Variants in TYW1 observed in about 807,000 individuals in gnomAD.
TYW1 encodes the protein tRNA-yW synthesizing protein 1 homolog.
In TYW1, 46 loss-of-function variants were observed where a neutral mutation model predicts 96.2. The observed-to-expected ratio is 0.48, with a 90% CI of 0.38 to 0.61. The LOEUF is 0.61. Among genes scored for constraint, TYW1 ranks in the 20% least tolerant of loss-of-function variants. The pLI is 0.00. For missense variants in TYW1, 684 were observed against 909.6 expected, an observed-to-expected ratio of 0.75 and a Z score of 3.19; for synonymous variants, 274 against 323.0, an observed-to-expected ratio of 0.85 and a Z score of 1.63.
chr7:67,095,002 G>T (rs551340689), intron 11 of TYW1, among the ~76,000 whole-genome samples: 109 of 141,504 alleles, frequency 7.7e-4, no homozygotes, highest in Non-Finnish European at 1.4e-3. Context: ...TAAACTGCAT[G>T]ATTTTTTTTT....
intron 4 of TYW1, among the ~76,000 whole-genome samples, chr7:67,011,478 A>C (rs1350305789): frequency 2.0e-5 from 3 of 152,234 alleles, no homozygotes; most frequent in Admixed American, 6.5e-5. Flanking sequence ...CAGCATCAGC[A>C]TCTCCTGTGA....
At chr7:67,142,944 T>C (rs1798496927) in intron 13 of TYW1, among the ~76,000 whole-genome samples, 1 of 151,770 alleles carries the variant, frequency 6.6e-6, no homozygotes, top group African/African-American at 2.4e-5. Flanking sequence ...TCTGAGCTAC[T>C]TGGGAGGCTG....
chr7:66,997,163 T>C (rs1444557737), intron 1 of TYW1, among the ~76,000 whole-genome samples, 181 bp downstream of exon 1: 1 of 152,258 alleles, frequency 6.6e-6, no homozygotes, highest in Non-Finnish European at 1.5e-5. Context: ...ACCTGGCTTT[T>C]GCCTTTTGAG....
At chr7:67,146,953 C>G (rs1384817547) in intron 13 of TYW1, among the ~76,000 whole-genome samples, 2 of 151,782 alleles carry the variant, frequency 1.3e-5, no homozygotes, top group Non-Finnish European at 2.9e-5. Context: ...TTTGAGTAGA[C>G]AGTACAAAGA....
In TYW1 at chr7:67,228,611, C is replaced by T. The variant is rs1327026204; in HGVS notation, c.1978-9697C>T. 2.6e-5 allele frequency among the ~76,000 whole-genome samples: 4 copies of T among 152,152 alleles called. No individual in the cohort carries two copies. In the East Asian group the frequency reaches 7.7e-4, roughly 29 times the overall value. On this transcript the variant is annotated intron_variant, in intron 15 of 15. Coordinates refer to ENST00000359626, the MANE Select transcript of TYW1 (RefSeq NM_018264.4). Reference sequence around the variant, plus strand: ...TACGTGGAGGAATAGTCATACAAACCACCTCCAATGTTGATGCTAATAAAT... The same window carrying T: ...TACGTGGAGGAATAGTCATACAAACTACCTCCAATGTTGATGCTAATAAAT...
chr7:67,171,835 T>C (rs1006501342), intron 13 of TYW1, among the ~76,000 whole-genome samples: 3 of 152,122 alleles, frequency 2.0e-5, no homozygotes, highest in African/African-American at 7.2e-5. Flanking sequence ...TTGTTTTTAT[T>C]TTCAACCTTT....
chr7:67,166,497 C>T (rs373730095), intron 13 of TYW1, among the ~76,000 whole-genome samples: 1 of 150,396 alleles, frequency 6.6e-6, no homozygotes, highest in Non-Finnish European at 1.5e-5. Flanking sequence ...AGAAATAGAA[C>T]GTTAATAGCA....
chr7:67,055,389 G>A (rs1795475672), intron 8 of TYW1, among the ~76,000 whole-genome samples: 1 of 152,102 alleles, frequency 6.6e-6, no homozygotes, highest in Admixed American at 6.6e-5. Flanking sequence ...TTGAGGACAG[G>A]AGTTCGAGAC....
At chr7:67,167,468 C>T in intron 13 of TYW1, among the ~76,000 whole-genome samples, 1 of 78,826 alleles carries the variant, frequency 1.3e-5, no homozygotes, top group East Asian at 6.0e-4. Context: ...GACTCTGTCT[C>T]AAAAAAAAAA....
chr7:67,031,248 G>A (rs1431985155), intron 7 of TYW1, among the ~76,000 whole-genome samples: 8 of 139,586 alleles, frequency 5.7e-5, no homozygotes, highest in Non-Finnish European at 1.2e-4. Context: ...GGCGTGTTGT[G>A]TAGGAGAAGG....
At chr7:67,149,722 A>ATCTATCTATC (rs1554376826) in intron 13 of TYW1, among the ~76,000 whole-genome samples, 228 of 140,236 alleles carry the variant, frequency 1.6e-3, no homozygotes, top group African/African-American at 5.7e-3. Flanking sequence ...AGGAAAAAAA[A>ATCTATCTATC]TATCTATCTA....
intron 15 of TYW1, among the ~76,000 whole-genome samples, chr7:67,234,968 AAAT>A (rs1305861467): frequency 6.7e-6 from 1 of 148,424 alleles, no homozygotes; most frequent in Non-Finnish European, 1.5e-5. Context: ...AAAAAAAAAA[AAAT>A]TTAAGTCCAT....
chr7:67,012,712 T>C (rs371091400), intron 4 of TYW1, among the ~76,000 whole-genome samples: 66 of 152,276 alleles, frequency 4.3e-4, no homozygotes, highest in African/African-American at 1.6e-3. Context: ...ATTTCGCACC[T>C]GACCTCCTGT....
intron 1 of TYW1, 50 bp downstream of exon 1, chr7:66,997,032 G>A (rs760478537): frequency 3.7e-6 from 6 of 1,612,090 alleles, no homozygotes; most frequent in South Asian, 1.1e-5. Flanking sequence ...GGAGGTAAAC[G>A]TTTTACTGAG....
intron 13 of TYW1, among the ~76,000 whole-genome samples, chr7:67,176,246 T>G (rs2687047): frequency 6.6e-6 from 1 of 152,210 alleles, no homozygotes; most frequent in Non-Finnish European, 1.5e-5. Context: ...TATAAAATAT[T>G]ATTGAGAGAA....
At chr7:67,181,580 T>C (rs1183092798) in intron 13 of TYW1, among the ~76,000 whole-genome samples, 2 of 152,212 alleles carry the variant, frequency 1.3e-5, no homozygotes. Context: ...ATAAGATTGG[T>C]ATCATTTTGT....
At chr7:67,010,439 T>C (rs1430331276) in intron 4 of TYW1, among the ~76,000 whole-genome samples, 2 of 151,936 alleles carry the variant, frequency 1.3e-5, no homozygotes, top group Admixed American at 6.6e-5. Context: ...TAGCTGAGAC[T>C]ACAGGCATGT....
At position 67,130,849 on chromosome 7, in the gene TYW1, G is replaced by A. The variant is rs1798051537; in HGVS notation, c.1698+13231G>A. On this transcript the variant is annotated intron_variant, in intron 13 of 15. Coordinates refer to ENST00000359626, the MANE Select transcript of TYW1 (RefSeq NM_018264.4). ...TGCATTTGGCACTTCTGGGTGAAGG[G>A]TACTTGTGCTTTCTTTTACCACCCA... is the stretch of plus-strand genomic sequence containing the variant. Among the ~76,000 whole-genome samples, 13 of 152,218 alleles carry A rather than the reference G, an allele frequency of 8.5e-5. No homozygotes were observed. The South Asian group carries it at 2.7e-3, about 32-fold the overall frequency.
chr7:67,238,292 A>T lies in TYW1; in HGVS notation c.1978-16A>T, dbSNP rs1414360938. The T allele has an allele frequency of 6.3e-6, 10 of 1,590,884 alleles. No individual in the cohort carries two copies. The highest frequency in any genetic ancestry group is 7.7e-6 in the Non-Finnish European group (9 of 1,169,098). On this transcript the variant is annotated splice_polypyrimidine_tract_variant and intron_variant, in intron 15 of 15. Transcript: ENST00000359626. The stretch of plus-strand genomic sequence containing the variant: ...GATGTTTTTACTTCTGACTTGACAC[A>T]TTTTTTTCTTTCCAGTTTAAAATTG...
Sources: gnomAD v4.1 joint callset for allele counts (sites outside exome capture counted in the v4.1 genomes callset) on GRCh38, gnomAD v4.1.1 for gene constraint, MANE v1.5 for transcripts, NCBI Gene and HGNC (gene_info 2026-07-23, HGNC 2026-07-21) for gene names.